AJAP1: variants seen among roughly 807,000 people sequenced by gnomAD.
AJAP1 encodes the protein adherens junctions associated protein 1, also known as adherens junction-associated protein 1.
AJAP1 carries 5 observed loss-of-function variants against 35.0 expected under a neutral mutation model. That is an observed-to-expected ratio of 0.14 (90% CI 0.07 to 0.30). The LOEUF (loss-of-function observed/expected upper bound fraction) is 0.30. AJAP1 is among the 10% of genes least tolerant of loss of function. The pLI, the probability that AJAP1 is intolerant of heterozygous loss-of-function variation, is 1.00. For missense variants in AJAP1, 586 were observed against 571.0 expected, an observed-to-expected ratio of 1.03 and a Z score of -0.27; for synonymous variants, 284 against 249.3, an observed-to-expected ratio of 1.14 and a Z score of -1.31.
At position 4,711,882 on chromosome 1, in the gene AJAP1, C is replaced by G. The variant is rs746288379; in HGVS notation, c.30-18C>G. 2 of 1,449,212 alleles carry G rather than the reference C, an allele frequency of 1.4e-6. No homozygotes were observed. The highest frequency in any genetic ancestry group is 5.6e-5 in the Admixed American group (2 of 35,542). 89.8% of individuals were successfully genotyped at this position (1,449,212 alleles called of 1,614,324 possible). ...GGGCTTCCACTGACCGCTCTTCTCT[C>G]CTTTCCCCCCCGCACAGCTCCATGT... On this transcript the variant is annotated intron_variant, in intron 1 of 5. Coordinates refer to ENST00000378191, the MANE Select transcript of AJAP1 (RefSeq NM_018836.4).
intron 1 of AJAP1, among the ~76,000 whole-genome samples, chr1:4,670,710 T>A (rs1044324616): frequency 2.0e-5 from 3 of 152,200 alleles, no homozygotes; most frequent in South Asian, 4.1e-4. Context: ...GCCTCATTGG[T>A]CTCCAGTTTC....
intron 2 of AJAP1, among the ~76,000 whole-genome samples, chr1:4,735,131 A>G (rs140207331): frequency 0.022 from 3,352 of 152,350 alleles, 50 homozygotes; most frequent in Middle Eastern, 0.044. Flanking sequence ...GCTCCGCACC[A>G]GCGGCAGGAG....
chr1:4,750,625 T>C (rs1433894871), intron 2 of AJAP1, among the ~76,000 whole-genome samples: 2 of 150,936 alleles, frequency 1.3e-5, no homozygotes, highest in East Asian at 3.9e-4. Context: ...GATGAGTGGG[T>C]TCCCTAGGAG....
intron 3 of AJAP1, among the ~76,000 whole-genome samples, chr1:4,771,569 C>T (rs1040586364): frequency 6.6e-6 from 1 of 152,152 alleles, no homozygotes; most frequent in Non-Finnish European, 1.5e-5. Context: ...AAGTGGCATC[C>T]GGGGGCCTCG....
chr1:4,740,958 T>C (rs577098291), intron 2 of AJAP1, among the ~76,000 whole-genome samples: 111 of 152,112 alleles, frequency 7.3e-4, no homozygotes, highest in African/African-American at 2.6e-3. Flanking sequence ...TCACGAAGAC[T>C]TGGGGCCAAG....
chr1:4,779,747 C>T (rs560710917), intron 5 of AJAP1, among the ~76,000 whole-genome samples: 16 of 152,222 alleles, frequency 1.1e-4, no homozygotes, highest in Middle Eastern at 3.4e-3. Context: ...CCCAGGACAC[C>T]GGGACCCAGT....
intron 1 of AJAP1, among the ~76,000 whole-genome samples, chr1:4,677,368 C>T (rs1639384249): frequency 6.6e-6 from 1 of 152,114 alleles, no homozygotes. Flanking sequence ...CCTCACACAT[C>T]CCTGATTCCA....
In AJAP1 at chr1:4,667,404, G is replaced by A. The variant is rs542747150; in HGVS notation, c.29+11950G>A. On this transcript the variant is annotated intron_variant, in intron 1 of 5. Coordinates refer to ENST00000378191, the MANE Select transcript of AJAP1 (RefSeq NM_018836.4). ...GTGGGGACCTTCTCACCTTACAACA[G>A]CAGTCCCCAACCTTTTTGGCACCAG... Among the ~76,000 whole-genome samples the A allele has an allele frequency of 2.4e-4, 37 of 152,242 alleles. No individual in the cohort carries two copies. In the East Asian group the frequency reaches 7.1e-3, roughly 29 times the overall value.
chr1:4,779,796 T>G (rs1642025107), intron 5 of AJAP1, among the ~76,000 whole-genome samples: 1 of 151,934 alleles, frequency 6.6e-6, no homozygotes, highest in South Asian at 2.1e-4. Context: ...GCCCGAGGAT[T>G]TTTATCTCCC....
intron 2 of AJAP1, among the ~76,000 whole-genome samples, chr1:4,745,058 A>G (rs983853565): frequency 1.1e-4 from 16 of 152,146 alleles, no homozygotes; most frequent in African/African-American, 3.9e-4. Flanking sequence ...CGTCCTTGGA[A>G]GGATTGAGTG....
chr1:4,718,437 G>A (rs1207803640), intron 2 of AJAP1, among the ~76,000 whole-genome samples: 19 of 151,646 alleles, frequency 1.3e-4, no homozygotes, highest in Admixed American at 1.2e-3. Context: ...GATGTGAAAG[G>A]TCTTTAATCC....
In AJAP1 at chr1:4,734,806, G is replaced by A. The variant is rs182315326; in HGVS notation, c.829+22107G>A. 5.9e-5 allele frequency among the ~76,000 whole-genome samples: 9 copies of A among 152,264 alleles called. No homozygotes were observed. Among genetic ancestry groups the A allele is most frequent in the South Asian group, 2.1e-4 (1 of 4,822 alleles). Reference sequence around the variant, plus strand: ...AGGGCCAAGGCTCTCACCTTCCCCCGGACAAGGTTTCTAAGGCCCGGGAAG... The same window carrying A: ...AGGGCCAAGGCTCTCACCTTCCCCCAGACAAGGTTTCTAAGGCCCGGGAAG... On this transcript the variant is annotated intron_variant, in intron 2 of 5. Transcript: ENST00000378191. The surrounding 1 kb of genome is among the most constrained non-coding windows in gnomAD (Gnocchi z 4.3).
chr1:4,718,942 G>A (rs928744093), intron 2 of AJAP1, among the ~76,000 whole-genome samples: 15 of 152,308 alleles, frequency 9.8e-5, no homozygotes, highest in African/African-American at 3.6e-4. Context: ...TCTCCTTTAA[G>A]GGAACGGATG....
chr1:4,709,625 C>T (rs187070268), intron 1 of AJAP1, among the ~76,000 whole-genome samples: 1 of 152,338 alleles, frequency 6.6e-6, no homozygotes. Flanking sequence ...GGGTCACCTG[C>T]AGCCACAGAG....
chr1:4,747,331 C>T lies in AJAP1; in HGVS notation c.830-22522C>T, dbSNP rs977808411. 1.5e-4 allele frequency among the ~76,000 whole-genome samples: 23 copies of T among 152,336 alleles called. 1 individual carries two copies. The East Asian group carries it at 2.9e-3, about 19-fold the overall frequency. ...TCCCCGCTCCTCCAAATGCCATCCC[C>T]CCTCTCCACCTCACCCGGCCTCTGT... On this transcript the variant is annotated intron_variant, in intron 2 of 5. Transcript: ENST00000378191.
chr1:4,684,635 C>G (rs1639565596), intron 1 of AJAP1, among the ~76,000 whole-genome samples: 1 of 152,184 alleles, frequency 6.6e-6, no homozygotes, highest in Admixed American at 6.5e-5. Context: ...CAGGCACTCG[C>G]AGCTTCTCAC....
chr1:4,718,276 G>T (rs1460951783), intron 2 of AJAP1, among the ~76,000 whole-genome samples: 1 of 152,170 alleles, frequency 6.6e-6, no homozygotes, highest in Non-Finnish European at 1.5e-5. Flanking sequence ...ACTCATGAAA[G>T]TCCAGCCTCT....
chr1:4,657,816 C>CT (rs58922730), intron 1 of AJAP1, among the ~76,000 whole-genome samples: 103 of 147,074 alleles, frequency 7.0e-4, no homozygotes, highest in East Asian at 2.4e-3. Flanking sequence ...GTATGTGGAG[C>CT]TTTTTTTTTT....
In AJAP1 at chr1:4,712,587, C is replaced by T. The variant is rs377710853; in HGVS notation, c.717C>T (p.Ser239=). Residue 239 remains serine, a synonymous_variant, in exon 2 of 6, where the codon TCC becomes TCT. Coordinates refer to ENST00000378191, the MANE Select transcript of AJAP1 (RefSeq NM_018836.4). ...TGCAGACTAAGGGGTTCACCGAGTC[C>T]TTGGATCCCCGGAGAAGGATCCCAG... ...MTLQTKGFTE[S]LDPRRRIPGG... 22 of 1,606,544 alleles carry T rather than the reference C, an allele frequency of 1.4e-5. No individual in the cohort carries two copies. Among genetic ancestry groups the T allele is most frequent in the African/African-American group, 5.3e-5 (4 of 74,890 alleles).
Sources: allele counts gnomAD v4.1 joint callset (sites outside exome capture counted in the v4.1 genomes callset), GRCh38; gene constraint gnomAD v4.1.1; non-coding constraint Gnocchi (gnomAD v3.1); transcripts MANE v1.5; gene names NCBI Gene and HGNC (gene_info 2026-07-23, HGNC 2026-07-21).